The following CNGB1 variants were observed in gnomAD, a reference collection of about 807,000 sequenced individuals.
CNGB1 encodes cyclic nucleotide-gated channel beta-1.
Under a neutral mutation model 151.7 loss-of-function variants are expected in CNGB1, and 126 were observed. That is an observed-to-expected ratio of 0.83 (90% CI 0.72 to 0.96). The LOEUF (loss-of-function observed/expected upper bound fraction) is 0.96. Ranked by LOEUF, CNGB1 falls within the 40% of genes least tolerant of loss-of-function variation. CNGB1 has a pLI of 0.00. For missense variants in CNGB1, 1,698 were observed against 1,627.0 expected, an observed-to-expected ratio of 1.04 and a Z score of -0.75; for synonymous variants, 623 against 635.1, an observed-to-expected ratio of 0.98 and a Z score of 0.29.
rs1567358409 is a variant in CNGB1, at chr16:57,883,715, G to C, written c.*449C>G. 1 of 215,096 alleles carries C rather than the reference G, an allele frequency of 4.6e-6. No individual in the cohort carries two copies. Among genetic ancestry groups the C allele is most frequent in the Non-Finnish European group, 9.4e-6 (1 of 106,338 alleles). 13.3% of individuals were successfully genotyped at this position (215,096 alleles called of 1,614,324 possible). On this transcript the variant is annotated 3_prime_UTR_variant, in exon 33 of 33. Coordinates refer to ENST00000251102, the MANE Select transcript of CNGB1 (RefSeq NM_001297.5). ...ATTATAGGCATGAGCCACCATGCCC[G>C]GCAGTGAAGTATTTTCTATCCTTGA...
chr16:57,941,871 A>G (rs1961677253), intron 14 of CNGB1, among the ~76,000 whole-genome samples: 1 of 151,720 alleles, frequency 6.6e-6, no homozygotes, highest in South Asian at 2.1e-4. Context: ...TTTATTTTTG[A>G]GACAGGGTCT....
At position 57,950,453 on chromosome 16, in the gene CNGB1, C is replaced by G; in HGVS notation, c.962G>C (p.Ser321Thr). The part of the protein sequence containing the change: ...PPWEDAHQDV[S>T]TSPQGTEVVP... ...CACCTCTGTACCCTGTGGGCTGGTA[C>G]TGACATCCTGGTGGGCATCCTCCCA... The change falls in exon 13 of 33, where the codon AGT becomes ACT. Residue 321 changes from serine (S) to threonine (T), a missense_variant. Physicochemically the swap from Ser to Thr is moderately conservative, Grantham distance 58 (BLOSUM62 1). Transcript: ENST00000251102. 6.2e-7 allele frequency: 1 copy of G among 1,614,258 alleles called. No homozygotes were observed. The highest frequency in any genetic ancestry group is 8.5e-7 in the Non-Finnish European group (1 of 1,180,050).
At chr16:57,955,877 T>C (rs1359212541) in intron 12 of CNGB1, among the ~76,000 whole-genome samples, 3 of 152,212 alleles carry the variant, frequency 2.0e-5, no homozygotes, top group Non-Finnish European at 4.4e-5. Flanking sequence ...TGCTAAAGCC[T>C]TGACCCTGGA....
chr16:57,919,036 C>T (rs1296798728), intron 20 of CNGB1, 63 bp downstream of exon 20: 1 of 1,611,844 alleles, frequency 6.2e-7, no homozygotes, highest in Non-Finnish European at 8.5e-7. Context: ...CTCTCCCCAT[C>T]CCGCTCCAAC....
chr16:57,914,265 C>T (rs1960804870), intron 23 of CNGB1, among the ~76,000 whole-genome samples: 1 of 152,188 alleles, frequency 6.6e-6, no homozygotes, highest in African/African-American at 2.4e-5. Context: ...CAACCTTCCT[C>T]ACTCTGATGT....
chr16:57,892,370 C>T (rs1180230490), intron 31 of CNGB1, among the ~76,000 whole-genome samples: 6 of 152,124 alleles, frequency 3.9e-5, no homozygotes, highest in South Asian at 2.1e-4. Context: ...CTGGCACGCA[C>T]CACTGATGTG....
At chr16:57,965,627 C>A (rs992400635) in intron 2 of CNGB1, among the ~76,000 whole-genome samples, 1 of 151,866 alleles carries the variant, frequency 6.6e-6, no homozygotes, top group East Asian at 1.9e-4. Context: ...TGTATATATA[C>A]ACATGTGGAG....
intron 17 of CNGB1, 116 bp downstream of exon 17, chr16:57,931,600 A>G (rs1961351237): frequency 8.3e-7 from 1 of 1,206,056 alleles, no homozygotes; most frequent in South Asian, 1.3e-5. Flanking sequence ...TTCTGACACC[A>G]ACTCGCTGTG....
chr16:57,964,047 C>T, intron 4 of CNGB1, 83 bp downstream of exon 4: 1 of 1,334,950 alleles, frequency 7.5e-7, no homozygotes. Context: ...TGCCCATCCC[C>T]ACCCCCATCC....
chr16:57,920,660 G>A, intron 18 of CNGB1, 116 bp from the exon 19 acceptor site: 1 of 1,266,006 alleles, frequency 7.9e-7, no homozygotes, highest in Admixed American at 1.9e-5. Flanking sequence ...AAGGAGGTAA[G>A]TCCTGCCCCC....
At chr16:57,922,660 A>G (rs1332323264) in intron 18 of CNGB1, among the ~76,000 whole-genome samples, 3 of 151,724 alleles carry the variant, frequency 2.0e-5, no homozygotes, top group African/African-American at 7.3e-5. Flanking sequence ...AACTCCTGAC[A>G]TCAGGTGATC....
intron 12 of CNGB1, among the ~76,000 whole-genome samples, chr16:57,955,946 C>T (rs545787126): frequency 3.9e-5 from 6 of 152,326 alleles, no homozygotes; most frequent in South Asian, 2.1e-4. Context: ...GCCCAGTGTG[C>T]GCACATCTGT....
Position 57,916,144 on chromosome 16 carries a change from C to G in CNGB1, c.2202G>C (p.Lys734Asn). Residue 734 changes from lysine to asparagine, a missense_variant, in exon 22 of 33, where the codon AAG becomes AAC. Coordinates refer to ENST00000251102, the MANE Select transcript of CNGB1 (RefSeq NM_001297.5). ...DKKDMRNNYL[K>N]SRRFKMDLLS... ...CGGCACACACCTTGAAGCGGCGAGA[C>G]TTCAGGTAGTTATTTCGCATGTCCT... 1 of 1,614,090 alleles carries G rather than the reference C, an allele frequency of 6.2e-7. No homozygotes were observed. Among genetic ancestry groups the G allele is most frequent in the Non-Finnish European group, 8.5e-7 (1 of 1,179,988 alleles).
chr16:57,903,924 C>T lies in CNGB1; in HGVS notation c.2692G>A (p.Asp898Asn), dbSNP rs1567369373. 1 of 1,614,120 alleles carries T rather than the reference C, an allele frequency of 6.2e-7. No homozygotes were observed. The change falls in exon 27 of 33, where the codon GAC becomes AAC. Residue 898 changes from aspartate (D) to asparagine (N), a missense_variant. Asp to Asn is a conservative substitution (Grantham distance 23). Coordinates refer to ENST00000251102, the MANE Select transcript of CNGB1 (RefSeq NM_001297.5). ...AGQTYYRSCM[D>N]STVKYMNFYK... ...AAATTCATGTACTTCACCGTGCTGT[C>T]CATGCAGCTGCGGTAGTAGGTCTGT...
Position 57,962,879 on chromosome 16 carries a change from G to A in CNGB1, c.382-7C>T. 17 of 1,612,606 alleles carry A rather than the reference G, an allele frequency of 1.1e-5. No homozygotes were observed. The highest frequency in any genetic ancestry group is 1.4e-5 in the Non-Finnish European group (16 of 1,180,014). ...TGCTGCCATGCCCCAGGATCTGCCA[G>A]GGACAGACAGACAGACATGGGCAGG... On this transcript the variant is annotated splice_polypyrimidine_tract_variant and splice_region_variant and intron_variant, in intron 5 of 32. Coordinates refer to ENST00000251102, the MANE Select transcript of CNGB1 (RefSeq NM_001297.5).
chr16:57,893,289 C>G (rs528722735), intron 31 of CNGB1, among the ~76,000 whole-genome samples: 1 of 152,294 alleles, frequency 6.6e-6, no homozygotes, highest in East Asian at 1.9e-4. Context: ...CAGGGTCTTG[C>G]TCTGTCACCC....
chr16:57,949,153 T>C (rs563806398), intron 14 of CNGB1, among the ~76,000 whole-genome samples, 200 bp downstream of exon 14: 1 of 151,672 alleles, frequency 6.6e-6, no homozygotes, highest in South Asian at 2.1e-4. Flanking sequence ...TGTGGAGTGG[T>C]GGGTAATATG....
intron 1 of CNGB1, among the ~76,000 whole-genome samples, chr16:57,968,133 G>C (rs149523457): frequency 1.3e-5 from 2 of 152,320 alleles, no homozygotes; most frequent in East Asian, 3.9e-4. Flanking sequence ...CAGTTTGCTT[G>C]TCTGTAAAAT....
intron 12 of CNGB1, among the ~76,000 whole-genome samples, chr16:57,952,493 CTTTTTTTT>C (rs10598722): frequency 2.7e-4 from 17 of 62,142 alleles, no homozygotes; most frequent in South Asian, 9.4e-4. Flanking sequence ...CAAGCATTTC[CTTTTTTTT>C]TTTTTTTTTT....
Sources: allele counts gnomAD v4.1 joint callset (sites outside exome capture counted in the v4.1 genomes callset), GRCh38; gene constraint gnomAD v4.1.1; transcripts MANE v1.5; gene names NCBI Gene and HGNC (gene_info 2026-07-23, HGNC 2026-07-21).